The following MXI1 variants were observed in gnomAD, a reference collection of about 807,000 sequenced individuals.
MXI1 encodes the protein MAX interactor 1, dimerization protein.
In MXI1, 18 loss-of-function variants were observed where a neutral mutation model predicts 36.9. The observed-to-expected ratio is 0.49, with a 90% CI of 0.34 to 0.72. MXI1 has a LOEUF of 0.72. Among genes scored for constraint, MXI1 ranks in the 30% least tolerant of loss-of-function variants. The pLI is 0.01. For missense variants in MXI1, 304 were observed against 379.1 expected (o/e 0.80, Z 1.64); for synonymous variants, 160 against 146.7 (o/e 1.09, Z -0.65).
chr10:110,213,865 C>T (rs111766096), intron 1 of MXI1, among the ~76,000 whole-genome samples: 35 of 152,318 alleles, frequency 2.3e-4, no homozygotes, highest in African/African-American at 7.2e-4. Context: ...AGGGTGCTGG[C>T]GTGCAGCAGC....
rs181253016 is a variant in MXI1 at position 110,214,362 on chromosome 10, G to A, written c.274+6280G>A. Among the ~76,000 whole-genome samples the A allele has an allele frequency of 1.2e-3, 186 of 152,156 alleles. 3 individuals are homozygous for A. The highest frequency in any genetic ancestry group is 9.7e-3 in the Admixed American group (148 of 15,294). ...TTTTTTTCTTTTTTTGTCTTTCAGA[G>A]TTGTTCAACTCTCCTGGCCTTAACT... On this transcript the variant is annotated intron_variant, in intron 1 of 5. Coordinates refer to ENST00000332674, the MANE Select transcript of MXI1 (RefSeq NM_130439.3).
intron 1 of MXI1, chr10:110,227,715 G>A (rs113623728): frequency 0.053 from 12,353 of 231,232 alleles, 475 homozygotes; most frequent in Middle Eastern, 0.15. Context: ...CTGTAGAGAT[G>A]GCGCAGAAAG....
At chr10:110,234,451 T>TA (rs1224315970) in intron 2 of MXI1, among the ~76,000 whole-genome samples, 1 of 152,150 alleles carries the variant, frequency 6.6e-6, no homozygotes, top group Non-Finnish European at 1.5e-5. Flanking sequence ...AGTGGTACCA[T>TA]AATTAACAGC....
At chr10:110,269,347 T>A (rs960243280) in intron 3 of MXI1, among the ~76,000 whole-genome samples, 3 of 152,226 alleles carry the variant, frequency 2.0e-5, no homozygotes, top group African/African-American at 7.2e-5. Flanking sequence ...ACAACTCACA[T>A]CTTATTAGTA....
At chr10:110,226,447 T>C (rs1382196085) in intron 1 of MXI1, 6 of 293,884 alleles carry the variant, frequency 2.0e-5, no homozygotes, top group Admixed American at 4.8e-4. Context: ...GGAGCGCGCG[T>C]GTGTGGGGAG....
Position 110,248,342 on chromosome 10 carries a change from TA to T in MXI1, c.437+3496del, listed in dbSNP as rs1290911673. On this transcript the variant is annotated intron_variant, in intron 3 of 5. Coordinates refer to ENST00000332674, the MANE Select transcript of MXI1 (RefSeq NM_130439.3). Reference sequence around the variant, plus strand: ...CACATGTACCCTAAAACTTAAAGTATAAAAAAAAAAATCTTTGATTCAGTTT... The same window carrying T: ...CACATGTACCCTAAAACTTAAAGTATAAAAAAAAAATCTTTGATTCAGTTT... Among the ~76,000 whole-genome samples, 526 of 147,824 alleles carry T rather than the reference TA, an allele frequency of 3.6e-3. 1 individual carries two copies. The highest frequency in any genetic ancestry group is 0.011 in the African/African-American group (461 of 40,536).
chr10:110,226,439 A>G (rs1470517135), intron 1 of MXI1: 4 of 268,776 alleles, frequency 1.5e-5, no homozygotes, highest in African/African-American at 1.0e-4. Context: ...AGGGTAGAGG[A>G]GCGCGCGTGT....
chr10:110,279,995 G>A lies in MXI1; in HGVS notation c.634G>A (p.Glu212Lys). The change falls in exon 5 of 6, where the codon GAA (glutamate) becomes AAA (lysine). Residue 212 changes from glutamate (E) to lysine (K), a missense_variant. Glu to Lys is a moderately conservative substitution (Grantham distance 56, BLOSUM62 1). This residue lies in a region of MXI1 where 125 missense variants were observed against 194.3 expected (regional missense o/e 0.64). Transcript: ENST00000332674. ...ACAGAGATTTTTAAAGTGGCGACTG[G>A]AACAGCTGCAGGGTCCTCAGGAGAT... ...REQRFLKWRLEQLQGPQEMER... is the reference protein window; with the variant it reads ...REQRFLKWRLKQLQGPQEMER... 6.2e-7 allele frequency: 1 copy of A among 1,613,484 alleles called. No individual in the cohort carries two copies. Among genetic ancestry groups the A allele is most frequent in the Non-Finnish European group, 8.5e-7 (1 of 1,179,602 alleles).
chr10:110,261,663 C>T (rs146587208), intron 3 of MXI1, among the ~76,000 whole-genome samples: 331 of 152,184 alleles, frequency 2.2e-3, no homozygotes, highest in African/African-American at 7.0e-3. Flanking sequence ...GGACCCATAT[C>T]TCCCATCTCC....
At chr10:110,224,455 T>TAGAG (rs1227092705) in intron 1 of MXI1, among the ~76,000 whole-genome samples, 1 of 152,068 alleles carries the variant, frequency 6.6e-6, no homozygotes, top group Admixed American at 6.5e-5. Context: ...ATCTAGTGGG[T>TAGAG]AGAGGCCAGG....
intron 2 of MXI1, 24 bp from the exon 3 acceptor site, chr10:110,244,804 C>CTTTT (rs199913141): frequency 2.2e-6 from 3 of 1,366,620 alleles, no homozygotes; most frequent in South Asian, 1.3e-5. Flanking sequence ...ATGGCTAATG[C>CTTTT]TTTTTTTTTT....
At chr10:110,257,567 T>C (rs1856355320) in intron 3 of MXI1, 1 of 153,648 alleles carries the variant, frequency 6.5e-6, no homozygotes, top group Non-Finnish European at 1.4e-5. Flanking sequence ...CGCTTTGGCC[T>C]CCCAGAGTGC....
rs186027656 is a variant in MXI1 at position 110,221,958 on chromosome 10, G to A, written c.275-6231G>A. On this transcript the variant is annotated intron_variant, in intron 1 of 5. Coordinates refer to ENST00000332674, the MANE Select transcript of MXI1 (RefSeq NM_130439.3). Reference sequence around the variant, plus strand: ...AGCTACCTCTCGGGTTTAGCATTACGTCATCCCTTCTAGACCCAAATTTAT... The same window carrying A: ...AGCTACCTCTCGGGTTTAGCATTACATCATCCCTTCTAGACCCAAATTTAT... 1.7e-3 allele frequency among the ~76,000 whole-genome samples: 263 copies of A among 152,242 alleles called. 4 individuals are homozygous for A. The highest frequency in any genetic ancestry group is 0.017 in the Admixed American group (261 of 15,296).
chr10:110,238,737 T>G (rs565283181), intron 2 of MXI1, among the ~76,000 whole-genome samples: 53 of 152,312 alleles, frequency 3.5e-4, no homozygotes, highest in Middle Eastern at 3.4e-3. Context: ...TTAATCTCTT[T>G]AATAGATGAA....
intron 1 of MXI1, among the ~76,000 whole-genome samples, chr10:110,219,150 A>C (rs1367572666): frequency 4.6e-5 from 7 of 152,096 alleles, no homozygotes. Context: ...AAGTACAAAA[A>C]TTAGCTGGGC....
Position 110,261,871 on chromosome 10 carries a change from G to A in MXI1, c.437+17014G>A, listed in dbSNP as rs79839299. 5.1e-3 allele frequency among the ~76,000 whole-genome samples: 770 copies of A among 152,124 alleles called. 1 individual carries two copies. The highest frequency in any genetic ancestry group is 0.017 in the African/African-American group (701 of 41,516). On this transcript the variant is annotated intron_variant, in intron 3 of 5. Coordinates refer to ENST00000332674, the MANE Select transcript of MXI1 (RefSeq NM_130439.3). ...ATAGGCATGAACAAGAATAACAAAA[G>A]TGTTTATAATAAAAATTAGAAGTAA... is the stretch of plus-strand genomic sequence containing the variant.
intron 3 of MXI1, chr10:110,257,534 C>G (rs1401447746): frequency 6.6e-6 from 1 of 152,624 alleles, no homozygotes; most frequent in Non-Finnish European, 1.5e-5. Context: ...TGGTCTCAAA[C>G]TCCTGACCTG....
At chr10:110,271,745 A>T (rs1438624602) in intron 3 of MXI1, among the ~76,000 whole-genome samples, 1 of 152,240 alleles carries the variant, frequency 6.6e-6, no homozygotes, top group Non-Finnish European at 1.5e-5. Flanking sequence ...GACAACTTGA[A>T]AAATCGTTAT....
At chr10:110,269,966 C>T (rs754424919) in intron 3 of MXI1, among the ~76,000 whole-genome samples, 1 of 152,036 alleles carries the variant, frequency 6.6e-6, no homozygotes, top group Non-Finnish European at 1.5e-5. Context: ...GTTAATAAGG[C>T]AAAAATCTTT....
Sources: gnomAD v4.1 joint callset for allele counts (sites outside exome capture counted in the v4.1 genomes callset) on GRCh38, gnomAD v4.1.1 for gene constraint, gnomAD v4.1.1 regional missense constraint, MANE v1.5 for transcripts, NCBI Gene and HGNC (gene_info 2026-07-23, HGNC 2026-07-21) for gene names.